The following SLCO3A1 variants were observed in gnomAD, a reference collection of about 807,000 sequenced individuals.
The protein encoded by SLCO3A1 is solute carrier organic anion transporter family member 3A1.
In SLCO3A1, 27 loss-of-function variants were observed where a neutral mutation model predicts 63.1. That is an observed-to-expected ratio of 0.43 (90% CI 0.32 to 0.59). SLCO3A1 has a LOEUF of 0.59. SLCO3A1 is among the 20% of genes least tolerant of loss of function. SLCO3A1 has a pLI of 0.09. For missense variants in SLCO3A1, 773 were observed against 945.8 expected, an observed-to-expected ratio of 0.82 and a Z score of 2.40; for synonymous variants, 473 against 409.9, an observed-to-expected ratio of 1.15 and a Z score of -1.86.
intron 2 of SLCO3A1, among the ~76,000 whole-genome samples, chr15:92,075,976 T>G (rs933412673): frequency 3.3e-5 from 5 of 152,200 alleles, no homozygotes; most frequent in Admixed American, 3.3e-4. Context: ...GGAAATGAAG[T>G]TGGTCTGGCG....
intron 7 of SLCO3A1, among the ~76,000 whole-genome samples, chr15:92,141,383 T>A (rs542252471): frequency 6.6e-6 from 1 of 152,312 alleles, no homozygotes; most frequent in East Asian, 1.9e-4. Flanking sequence ...GACATATCAC[T>A]TCATTCAGAC....
At chr15:91,963,080 T>C (rs1409500967) in intron 2 of SLCO3A1, among the ~76,000 whole-genome samples, 1 of 152,142 alleles carries the variant, frequency 6.6e-6, no homozygotes, top group African/African-American at 2.4e-5. Flanking sequence ...GTGATTACCC[T>C]TGTCTCCTGC....
intron 7 of SLCO3A1, among the ~76,000 whole-genome samples, chr15:92,144,042 G>C (rs2048186991): frequency 6.6e-6 from 1 of 152,228 alleles, no homozygotes; most frequent in African/African-American, 2.4e-5. Context: ...CGGGAGTGCT[G>C]GGACAGGTCG....
chr15:92,072,179 C>G (rs1026875801), intron 2 of SLCO3A1, among the ~76,000 whole-genome samples: 1 of 150,596 alleles, frequency 6.6e-6, no homozygotes, highest in Non-Finnish European at 1.5e-5. Flanking sequence ...GCCTGATAAG[C>G]GTAACCACCA....
chr15:91,964,680 T>A (rs529105349), intron 2 of SLCO3A1, among the ~76,000 whole-genome samples: 1 of 151,912 alleles, frequency 6.6e-6, no homozygotes, highest in East Asian at 1.9e-4. Context: ...AGAAAGAGAG[T>A]TGAGCAGTGT....
chr15:92,034,122 G>T (rs1171755887), intron 2 of SLCO3A1, among the ~76,000 whole-genome samples: 2 of 149,226 alleles, frequency 1.3e-5, no homozygotes, highest in Non-Finnish European at 1.5e-5. Flanking sequence ...GTGGAGAGTG[G>T]ACTGTGGAGG....
At chr15:92,171,729 A>G in intron 10 of SLCO3A1, 3 of 1,333,892 alleles carry the variant, frequency 2.2e-6, no homozygotes, top group Middle Eastern at 1.8e-4. Flanking sequence ...GTGAAGCAGA[A>G]AAGACCGATC....
Position 92,104,496 on chromosome 15 carries a change from C to T in SLCO3A1, c.963C>T (p.His321=), listed in dbSNP as rs751987219. 19 of 1,613,764 alleles carry T rather than the reference C, an allele frequency of 1.2e-5. No homozygotes were observed. Among genetic ancestry groups the T allele is most frequent in the Non-Finnish European group, 1.4e-5 (17 of 1,179,988 alleles). The change falls in exon 4 of 10, where the codon CAC becomes CAT. Residue 321 remains histidine, a synonymous_variant. Transcript: ENST00000318445. The part of the protein sequence containing the change: ...RPKPSNGVLR[H]PLEPDSSASC... ...AGCCCAGCAACGGGGTCCTGAGGCA[C>T]CCCCTGGAGCCAGACAGCAGTGCCT...
rs1446647900 is a variant in SLCO3A1 at position 92,163,667 on chromosome 15, G to A, written c.*532G>A. ...GTGGGGGCGGGCGCACAAGTCGGAG[G>A]GGTGGAAGCACCACTCCTCTCTCTG... On this transcript the variant is annotated 3_prime_UTR_variant, in exon 10 of 10. Coordinates refer to ENST00000318445, the MANE Select transcript of SLCO3A1 (RefSeq NM_013272.4). The A allele has an allele frequency of 2.0e-6, 2 of 985,124 alleles. No individual in the cohort carries two copies. The highest frequency in any genetic ancestry group is 2.4e-6 in the Non-Finnish European group (2 of 829,872). The allele number at this position is 985,124 out of a possible 1,614,324, so 61.0% of individuals were successfully genotyped here. A position where few individuals can be genotyped will look rare whatever the true frequency, so the allele number is the denominator to read the frequency against.
chr15:91,928,752 CAT>C (rs1899121217), intron 2 of SLCO3A1, among the ~76,000 whole-genome samples: 1 of 152,208 alleles, frequency 6.6e-6, no homozygotes, highest in Non-Finnish European at 1.5e-5. Flanking sequence ...TAAAAACTCT[CAT>C]CAGATAAAGC....
chr15:92,146,494 C>T (rs751829444), intron 7 of SLCO3A1, among the ~76,000 whole-genome samples: 3 of 152,238 alleles, frequency 2.0e-5, no homozygotes, highest in South Asian at 2.1e-4. Flanking sequence ...TGACTTCACG[C>T]GTGACAGCGT....
At chr15:92,048,954 T>C (rs979155752) in intron 2 of SLCO3A1, among the ~76,000 whole-genome samples, 2 of 152,212 alleles carry the variant, frequency 1.3e-5, no homozygotes, top group Non-Finnish European at 2.9e-5. Context: ...AATGCTCACA[T>C]AACTCCATGA....
At position 92,164,027 on chromosome 15, in the gene SLCO3A1, C is replaced by T; in HGVS notation, c.*892C>T. ...GCTTACATTTGCCAAAAACATTTTG[C>T]CATTTTTAAAAGAAAAAAATACAAT... On this transcript the variant is annotated 3_prime_UTR_variant, in exon 10 of 10. Transcript: ENST00000318445. 4 of 984,862 alleles carry T rather than the reference C, an allele frequency of 4.1e-6. No individual in the cohort carries two copies. The highest frequency in any genetic ancestry group is 4.8e-6 in the Non-Finnish European group (4 of 829,762). The allele number at this position is 984,862 out of a possible 1,614,324, so 61.0% of individuals were successfully genotyped here. A position where few individuals can be genotyped will look rare whatever the true frequency, so the allele number is the denominator to read the frequency against.
intron 2 of SLCO3A1, among the ~76,000 whole-genome samples, chr15:91,972,397 T>C (rs1020100399): frequency 6.6e-6 from 1 of 152,092 alleles, no homozygotes; most frequent in African/African-American, 2.4e-5. Flanking sequence ...AGTACCCTTA[T>C]AAAAGAGGCC....
Position 91,967,690 on chromosome 15 carries a change from T to G in SLCO3A1, c.646+51232T>G, listed in dbSNP as rs1195678348. ...CTGTTGACTTCCAGACCTTGTTATC[T>G]CTCCTGTTTTCCTGGATCATATTGT... On this transcript the variant is annotated intron_variant, in intron 2 of 9. Coordinates refer to ENST00000318445, the MANE Select transcript of SLCO3A1 (RefSeq NM_013272.4). This position sits in a 1 kb window ranked among gnomAD's most constrained non-coding sequence, Gnocchi z 4.4. Among the ~76,000 whole-genome samples, 1 of 152,214 alleles carries G rather than the reference T, an allele frequency of 6.6e-6. No homozygotes were observed. The highest frequency in any genetic ancestry group is 1.5e-5 in the Non-Finnish European group (1 of 68,028).
chr15:92,149,137 A>G (rs1339933961), intron 8 of SLCO3A1: 1 of 152,456 alleles, frequency 6.6e-6, no homozygotes, highest in African/African-American at 2.4e-5. Context: ...GACGCTGACT[A>G]GTGGTGACTA....
At chr15:92,055,533 T>G (rs2047011250) in intron 2 of SLCO3A1, among the ~76,000 whole-genome samples, 1 of 152,204 alleles carries the variant, frequency 6.6e-6, no homozygotes, top group Admixed American at 6.5e-5. Flanking sequence ...AGAACTTCCT[T>G]TCCTTATTCA....
At chr15:92,157,579 C>T (rs113506412) in intron 9 of SLCO3A1, among the ~76,000 whole-genome samples, 46,988 of 151,504 alleles carry the variant, frequency 0.31, 7,543 homozygotes, top group Admixed American at 0.39. Flanking sequence ...CAATCTCTGC[C>T]TCCCAGGTTC....
intron 2 of SLCO3A1, among the ~76,000 whole-genome samples, chr15:92,046,098 C>G (rs1206317519): frequency 6.6e-6 from 1 of 152,104 alleles, no homozygotes; most frequent in Non-Finnish European, 1.5e-5. Flanking sequence ...AATCTTAGAC[C>G]TAATCGGAGC....
Sources: allele counts gnomAD v4.1 joint callset (sites outside exome capture counted in the v4.1 genomes callset), GRCh38; gene constraint gnomAD v4.1.1; non-coding constraint Gnocchi (gnomAD v3.1); transcripts MANE v1.5; gene names NCBI Gene and HGNC (gene_info 2026-07-23, HGNC 2026-07-21).